Variants in FBXL13 observed in about 807,000 individuals in gnomAD.
FBXL13 encodes F-box and leucine-rich repeat protein 13.
Under a neutral mutation model 83.6 loss-of-function variants are expected in FBXL13, and 67 were observed. That is an observed-to-expected ratio of 0.80 (90% CI 0.66 to 0.98). FBXL13 has a LOEUF of 0.98. FBXL13 is among the 50% of genes least tolerant of loss of function. The pLI is 0.00. For synonymous variants in FBXL13, 272 were observed against 299.5 expected, an observed-to-expected ratio of 0.91 and a Z score of 0.95; for missense variants, 822 against 866.5, an observed-to-expected ratio of 0.95 and a Z score of 0.64.
chr7:102,819,384 C>T (rs1190656007), intron 19 of FBXL13, among the ~76,000 whole-genome samples: 2 of 152,132 alleles, frequency 1.3e-5, no homozygotes, highest in African/African-American at 4.8e-5. Context: ...TGGTAGAATG[C>T]CAGCCATATC....
intron 8 of FBXL13, among the ~76,000 whole-genome samples, chr7:102,941,616 C>G (rs1264869008): frequency 6.6e-6 from 1 of 151,994 alleles, no homozygotes; most frequent in Non-Finnish European, 1.5e-5. Flanking sequence ...TGGCTACAAA[C>G]TAAAGAATCT....
intron 11 of FBXL13, among the ~76,000 whole-genome samples, chr7:102,887,414 TACACAC>T (rs67686614): frequency 6.1e-5 from 9 of 148,604 alleles, no homozygotes; most frequent in East Asian, 2.0e-4. Context: ...TATACATACA[TACACAC>T]ACACACACAC....
chr7:102,907,340 T>G (rs537564973), intron 11 of FBXL13, among the ~76,000 whole-genome samples: 2 of 152,300 alleles, frequency 1.3e-5, no homozygotes, highest in African/African-American at 4.8e-5. Context: ...ATTATTATAC[T>G]TTAAGTTCTA....
At chr7:102,850,541 C>T (rs1326975493) in intron 17 of FBXL13, among the ~76,000 whole-genome samples, 1 of 152,094 alleles carries the variant, frequency 6.6e-6, no homozygotes, top group Non-Finnish European at 1.5e-5. Context: ...CTTTTGAAAG[C>T]CTGACTATAT....
chr7:102,879,429 G>C (rs1809699168), intron 14 of FBXL13, among the ~76,000 whole-genome samples: 1 of 143,620 alleles, frequency 7.0e-6, no homozygotes, highest in Non-Finnish European at 1.5e-5. Flanking sequence ...ACCTAGGAAA[G>C]CAGTTAAGGA....
At chr7:102,941,507 G>A (rs762741936) in intron 8 of FBXL13, among the ~76,000 whole-genome samples, 19 of 152,044 alleles carry the variant, frequency 1.2e-4, no homozygotes, top group Non-Finnish European at 2.5e-4. Context: ...CTGGTCTCCC[G>A]CACAGCCAGC....
intron 16 of FBXL13, among the ~76,000 whole-genome samples, chr7:102,868,588 A>G (rs1249358746): frequency 6.6e-6 from 1 of 152,204 alleles, no homozygotes; most frequent in Non-Finnish European, 1.5e-5. Context: ...TTGATTGTAT[A>G]TATTGGCTGC....
At chr7:102,843,922 G>A (rs1803476008) in intron 17 of FBXL13, among the ~76,000 whole-genome samples, 1 of 152,166 alleles carries the variant, frequency 6.6e-6, no homozygotes, top group Non-Finnish European at 1.5e-5. Context: ...TACTCCATAA[G>A]CCGAAGTCAG....
chr7:102,973,600 G>C, intron 6 of FBXL13: 2 of 765,928 alleles, frequency 2.6e-6, no homozygotes. Flanking sequence ...AGTTTGAACG[G>C]ATACAAGAAT....
chr7:102,929,876 T>C (rs1818858116), intron 9 of FBXL13, among the ~76,000 whole-genome samples: 1 of 151,948 alleles, frequency 6.6e-6, no homozygotes, highest in South Asian at 2.1e-4. Context: ...ACACTTTAAG[T>C]GGGTAAATTT....
intron 2 of FBXL13, among the ~76,000 whole-genome samples, chr7:103,050,979 T>G (rs529774282): frequency 3.2e-4 from 49 of 152,376 alleles, no homozygotes; most frequent in African/African-American, 1.2e-3. Context: ...ATTGCTTTGT[T>G]GCTCATTTGG....
intron 8 of FBXL13, among the ~76,000 whole-genome samples, chr7:102,947,859 G>A (rs1227228102): frequency 6.6e-6 from 1 of 151,908 alleles, no homozygotes; most frequent in Non-Finnish European, 1.5e-5. Flanking sequence ...TACTATAAAC[G>A]GAGTCCTCCT....
intron 11 of FBXL13, among the ~76,000 whole-genome samples, chr7:102,887,781 T>G (rs755993765): frequency 6.6e-6 from 1 of 152,140 alleles, no homozygotes; most frequent in African/African-American, 2.4e-5. Context: ...TGCAACAACA[T>G]TTACACTGGT....
chr7:102,985,436 GGATA>G (rs774412124), intron 6 of FBXL13, among the ~76,000 whole-genome samples: 6 of 152,216 alleles, frequency 3.9e-5, no homozygotes, highest in Non-Finnish European at 8.8e-5. Context: ...TACAAACTGT[GGATA>G]GATAACTAAC....
At chr7:102,888,980 T>A (rs1425756552) in intron 11 of FBXL13, among the ~76,000 whole-genome samples, 4 of 152,190 alleles carry the variant, frequency 2.6e-5, no homozygotes, top group African/African-American at 9.7e-5. Flanking sequence ...TTTTAGGAAA[T>A]TCTTGAGAAA....
chr7:102,892,086 C>T (rs1393437174), intron 11 of FBXL13, among the ~76,000 whole-genome samples: 1 of 152,064 alleles, frequency 6.6e-6, no homozygotes, highest in African/African-American at 2.4e-5. Flanking sequence ...TGTCATTTCA[C>T]AAGATAGGGA....
intron 11 of FBXL13, among the ~76,000 whole-genome samples, chr7:102,912,202 C>T (rs1814813971): frequency 6.6e-6 from 1 of 152,170 alleles, no homozygotes; most frequent in Non-Finnish European, 1.5e-5. Context: ...ATAGTAAATA[C>T]ATACCACCAC....
At chr7:102,973,283 C>A in intron 6 of FBXL13, 1 of 480,166 alleles carries the variant, frequency 2.1e-6, no homozygotes, top group Non-Finnish European at 3.8e-6. Context: ...AGTCCCAAGG[C>A]ACAAGGCCAC....
intron 2 of FBXL13, among the ~76,000 whole-genome samples, chr7:103,029,783 A>T (rs889170229): frequency 4.2e-5 from 1 of 23,830 alleles, no homozygotes; most frequent in Non-Finnish European, 1.1e-4. Context: ...TCTGAATCAA[A>T]CAGAATGATT....
Sources: gnomAD v4.1 joint callset for allele counts (sites outside exome capture counted in the v4.1 genomes callset) on GRCh38, gnomAD v4.1.1 for gene constraint, MANE v1.5 for transcripts, NCBI Gene and HGNC (gene_info 2026-07-23, HGNC 2026-07-21) for gene names.